ZC3H7A: variants seen among roughly 807,000 people sequenced by gnomAD.
ZC3H7A encodes zinc finger CCCH-type containing 7A.
A neutral mutation model predicts 125.5 loss-of-function variants in ZC3H7A; 44 were observed. That is an observed-to-expected ratio of 0.35 (90% CI 0.28 to 0.45). ZC3H7A has a LOEUF of 0.45. ZC3H7A is among the 20% of genes least tolerant of loss of function. The pLI is 1.00. For synonymous variants in ZC3H7A, 399 were observed against 391.2 expected (o/e 1.02, Z -0.23); for missense variants, 977 against 1,170.7 (o/e 0.83, Z 2.41).
chr16:11,770,815 AAAG>A lies in ZC3H7A; in HGVS notation c.1073_1075del (p.Ser358del), dbSNP rs767991294. ...GGATTCACTCATTGAAAATGAATTT[AAAG>A]AAGAACAAAAATCTTCTAAGGATGA... On this transcript the variant is annotated inframe_deletion, in exon 10 of 23. Transcript: ENST00000355758. 5.6e-6 allele frequency: 9 copies of A among 1,614,126 alleles called. No homozygotes were observed. Among genetic ancestry groups the A allele is most frequent in the South Asian group, 5.5e-5 (5 of 91,068 alleles).
chr16:11,772,277 G>A (rs567197022), intron 9 of ZC3H7A, among the ~76,000 whole-genome samples: 6 of 151,640 alleles, frequency 4.0e-5, no homozygotes, highest in East Asian at 3.9e-4. Flanking sequence ...ATCCAGAGAC[G>A]GGAGCTGGAG....
chr16:11,753,712 G>C (rs1286579219), intron 21 of ZC3H7A: 2 of 152,094 alleles, frequency 1.3e-5, no homozygotes, highest in Non-Finnish European at 2.9e-5. Flanking sequence ...GGAGTGATGC[G>C]ATCTTGGCTC....
chr16:11,761,910 G>C lies in ZC3H7A; in HGVS notation c.2213C>G (p.Ser738Trp), dbSNP rs138595814. Residue 738 changes from serine to tryptophan, a missense_variant and splice_region_variant, in exon 18 of 23, where the codon TCG (serine) becomes TGG (tryptophan). Physicochemically the swap from Ser to Trp is radical, Grantham distance 177. Coordinates refer to ENST00000355758, the MANE Select transcript of ZC3H7A (RefSeq NM_014153.4). ...RKYCSAKARH[S>W]WTKDRRAMRV... is the part of the protein sequence containing the mutation. ...AATTGTTTCCACACACAATACTTAC[G>C]AATGCCTTGCTTTTGCACTACAATA... 6.2e-7 allele frequency: 1 copy of C among 1,611,674 alleles called. No homozygotes were observed. Among genetic ancestry groups the C allele is most frequent in the South Asian group, 1.1e-5 (1 of 90,046 alleles).
At chr16:11,773,882 C>A (rs1307167865) in intron 9 of ZC3H7A, among the ~76,000 whole-genome samples, 7 of 149,244 alleles carry the variant, frequency 4.7e-5, no homozygotes, top group African/African-American at 1.2e-4. Context: ...GACTCCGTCT[C>A]AAAAAAAAAT....
intron 9 of ZC3H7A, 140 bp from the exon 10 acceptor site, chr16:11,771,127 C>G (rs972618528): frequency 1.2e-6 from 1 of 851,928 alleles, no homozygotes; most frequent in Admixed American, 3.1e-5. Context: ...GGCATGGTGG[C>G]CTGTAATCCT....
At chr16:11,782,571 G>A (rs926284158) in intron 1 of ZC3H7A, 183 bp from the exon 2 acceptor site, 14 of 495,896 alleles carry the variant, frequency 2.8e-5, no homozygotes, top group Non-Finnish European at 4.0e-5. Flanking sequence ...CCTGTGGTCC[G>A]GCACACCATA....
chr16:11,790,561 C>T (rs973925048), intron 1 of ZC3H7A, among the ~76,000 whole-genome samples: 5 of 152,048 alleles, frequency 3.3e-5, no homozygotes, highest in East Asian at 1.9e-4. Flanking sequence ...TTGTTTGAGA[C>T]GGAGTTTCAC....
intron 1 of ZC3H7A, among the ~76,000 whole-genome samples, chr16:11,787,712 G>A (rs1336085757): frequency 6.6e-6 from 1 of 152,086 alleles, no homozygotes; most frequent in Non-Finnish European, 1.5e-5. Flanking sequence ...TTGGGAGGCC[G>A]AGGCGGGCAG....
intron 3 of ZC3H7A, among the ~76,000 whole-genome samples, chr16:11,780,318 G>C (rs141634711): frequency 2.2e-3 from 334 of 151,716 alleles, no homozygotes; most frequent in African/African-American, 7.7e-3. Flanking sequence ...ACAGGGTTTC[G>C]CCATGTTGCC....
chr16:11,790,931 C>CTACATACAAG (rs1438356920), intron 1 of ZC3H7A, among the ~76,000 whole-genome samples: 1 of 151,748 alleles, frequency 6.6e-6, no homozygotes, highest in African/African-American at 2.4e-5. Context: ...TCAGCCCAGA[C>CTACATACAAG]TGGTGGCACC....
chr16:11,770,677 T>G (rs2052963960), intron 10 of ZC3H7A, 106 bp downstream of exon 10: 1 of 1,069,916 alleles, frequency 9.3e-7, no homozygotes, highest in Non-Finnish European at 1.3e-6. Context: ...ACAAAGAAAA[T>G]AATTCACATG....
chr16:11,751,422 T>C lies in ZC3H7A; in HGVS notation c.2811A>G (p.Arg937=). ...NAELHEWEER[R]DALKMKLNKA... is the part of the protein sequence containing the mutation. Reference sequence around the variant, plus strand: ...TGTTGAGCTTCATCTTTAGGGCATCTCTTCTTTCTTCCCATTCATGAAGTT... The same window carrying C: ...TGTTGAGCTTCATCTTTAGGGCATCCCTTCTTTCTTCCCATTCATGAAGTT... The change falls in exon 23 of 23, where the codon AGA becomes AGG. Residue 937 remains arginine, a synonymous_variant. Coordinates refer to ENST00000355758, the MANE Select transcript of ZC3H7A (RefSeq NM_014153.4). 1 of 1,614,222 alleles carries C rather than the reference T, an allele frequency of 6.2e-7. No individual in the cohort carries two copies. The highest frequency in any genetic ancestry group is 8.5e-7 in the Non-Finnish European group (1 of 1,180,042).
At position 11,776,703 on chromosome 16, in the gene ZC3H7A, A is replaced by C; in HGVS notation, c.465+48T>G. 3 of 1,551,410 alleles carry C rather than the reference A, an allele frequency of 1.9e-6. 1 individual carries two copies. The South Asian group carries it at 3.7e-5, about 19-fold the overall frequency. On this transcript the variant is annotated intron_variant, in intron 5 of 22. Coordinates refer to ENST00000355758, the MANE Select transcript of ZC3H7A (RefSeq NM_014153.4). ...TTTAACTCTTTAAATGCCATTTATTATGATGTAAATGGTTACGATGTAAAC... is the reference window on the plus strand; with the variant it reads ...TTTAACTCTTTAAATGCCATTTATTCTGATGTAAATGGTTACGATGTAAAC...
In ZC3H7A at chr16:11,768,494, C is replaced by A. The variant is rs778326590; in HGVS notation, c.1181G>T (p.Gly394Val). ...NSNSSLLLMN[G>V]PGSLFASENF... ...CTCTGAAGCAAACAAACTACCTGGTCCATTCATCTGCAAGAAAAATAAGAA... is the reference window on the plus strand; with the variant it reads ...CTCTGAAGCAAACAAACTACCTGGTACATTCATCTGCAAGAAAAATAAGAA... Residue 394 changes from glycine (G) to valine (V), a missense_variant, in exon 12 of 23, where the codon GGA becomes GTA. Physicochemically the swap from Gly to Val is moderately radical, Grantham distance 109 (BLOSUM62 -3). This residue lies in a region of ZC3H7A where 342 missense variants were observed against 311.3 expected (regional missense o/e 1.10). Transcript: ENST00000355758. The A allele has an allele frequency of 1.4e-6, 2 of 1,448,990 alleles. No individual in the cohort carries two copies. The highest frequency in any genetic ancestry group is 4.8e-5 in the Admixed American group (2 of 42,056). The allele number at this position is 1,448,990 out of a possible 1,614,324, so 89.8% of individuals were successfully genotyped here. A position where few individuals can be genotyped will look rare whatever the true frequency, so the allele number is the denominator to read the frequency against.
At chr16:11,785,888 G>A (rs1405261024) in intron 1 of ZC3H7A, among the ~76,000 whole-genome samples, 2 of 152,156 alleles carry the variant, frequency 1.3e-5, no homozygotes, top group African/African-American at 4.8e-5. Context: ...CAAAGTGCTG[G>A]GATTACAGGC....
rs1446267108 is a variant in ZC3H7A, at chr16:11,752,791, A to G, written c.2604T>C (p.Ser868=). Residue 868 remains serine, a synonymous_variant, in exon 22 of 23, where the codon AGT becomes AGC. Coordinates refer to ENST00000355758, the MANE Select transcript of ZC3H7A (RefSeq NM_014153.4). ...HCWMCGKNCN[S]EKQWQGHISS... ...AGATGTGGCCCTGCCACTGCTTCTCACTGTTGCAGTTTTTCCCACACATCC... is the reference window on the plus strand; with the variant it reads ...AGATGTGGCCCTGCCACTGCTTCTCGCTGTTGCAGTTTTTCCCACACATCC... The G allele has an allele frequency of 6.2e-7, 1 of 1,613,824 alleles. No homozygotes were observed. The highest frequency in any genetic ancestry group is 2.2e-5 in the East Asian group (1 of 44,880).
intron 1 of ZC3H7A, among the ~76,000 whole-genome samples, chr16:11,789,284 G>C (rs185835632): frequency 7.3e-5 from 11 of 151,582 alleles, no homozygotes; most frequent in Admixed American, 7.2e-4. Context: ...TTTTTTTTGA[G>C]ACAAACTCTC....
intron 16 of ZC3H7A, chr16:11,762,998 G>T (rs1341630064): frequency 2.5e-6 from 1 of 398,256 alleles, no homozygotes; most frequent in Admixed American, 4.2e-5. Flanking sequence ...TTAATGACAT[G>T]AGAACACACT....
intron 1 of ZC3H7A, among the ~76,000 whole-genome samples, chr16:11,794,937 C>CAGT (rs1212022165): frequency 1.3e-5 from 2 of 152,246 alleles, no homozygotes; most frequent in Admixed American, 1.3e-4. Context: ...CGAAAAGTCA[C>CAGT]AGTAACATGA....
Sources: allele counts gnomAD v4.1 joint callset (sites outside exome capture counted in the v4.1 genomes callset), GRCh38; gene constraint gnomAD v4.1.1; regional missense constraint gnomAD v4.1.1; transcripts MANE v1.5; gene names NCBI Gene and HGNC (gene_info 2026-07-23, HGNC 2026-07-21).